The following DLC1 variants were observed in gnomAD, a reference collection of about 807,000 sequenced individuals.
The protein encoded by DLC1 is DLC1 Rho GTPase activating protein, also known as rho GTPase-activating protein 7.
A neutral mutation model predicts 140.3 loss-of-function variants in DLC1; 54 were observed. The ratio of observed to expected loss-of-function variants is 0.38; its 90% CI spans 0.31 to 0.48. The LOEUF is 0.48. Ranked by LOEUF, DLC1 falls within the 20% of genes least tolerant of loss-of-function variation. The pLI, the probability that DLC1 is intolerant of heterozygous loss-of-function variation, is 0.96. For synonymous variants in DLC1, 986 were observed against 728.1 expected, an observed-to-expected ratio of 1.35 and a Z score of -5.70; for missense variants, 2,536 against 1,907.0, an observed-to-expected ratio of 1.33 and a Z score of -6.14.
At chr8:13,219,340 AT>A (rs1275245180) in intron 5 of DLC1, among the ~76,000 whole-genome samples, 1 of 101,890 alleles carries the variant, frequency 9.8e-6, no homozygotes, top group Admixed American at 1.0e-4. Context: ...AATTATAATT[AT>A]ATAAATCATA....
At chr8:13,453,974 C>G (rs1398875251) in intron 2 of DLC1, among the ~76,000 whole-genome samples, 1 of 152,106 alleles carries the variant, frequency 6.6e-6, no homozygotes, top group Non-Finnish European at 1.5e-5. Flanking sequence ...AGAGTGTTAA[C>G]TTATCTTACT....
At chr8:13,194,727 G>C (rs912420895) in intron 5 of DLC1, among the ~76,000 whole-genome samples, 2 of 152,214 alleles carry the variant, frequency 1.3e-5, no homozygotes, top group African/African-American at 2.4e-5. Context: ...AAGAAAGCAG[G>C]CTGGGCATGG....
chr8:13,109,301 T>C (rs1819861183), intron 7 of DLC1, among the ~76,000 whole-genome samples: 1 of 152,136 alleles, frequency 6.6e-6, no homozygotes, highest in African/African-American at 2.4e-5. Flanking sequence ...CTCACTCCTG[T>C]AATCCCAGCA....
rs532159065 is a variant in DLC1, at chr8:13,174,570, G to A, written c.1349-58913C>T. ...TAATGATAGCCATTCTGACTGCTGT[G>A]AGATGGTATCTTCTTGTGGTTTTGA... On this transcript the variant is annotated intron_variant, in intron 5 of 17. Transcript: ENST00000276297. Among the ~76,000 whole-genome samples the A allele has an allele frequency of 2.0e-5, 3 of 152,290 alleles. No homozygotes were observed. In the South Asian group the frequency reaches 6.2e-4, roughly 32 times the overall value.
intron 5 of DLC1, chr8:13,214,447 A>G (rs898129618): frequency 1.7e-6 from 1 of 575,390 alleles, no homozygotes; most frequent in Admixed American, 3.2e-5. Flanking sequence ...ACTGTCAAAC[A>G]TGACCTGTGG....
At chr8:13,290,153 G>A (rs1357829823) in intron 5 of DLC1, among the ~76,000 whole-genome samples, 1 of 152,178 alleles carries the variant, frequency 6.6e-6, no homozygotes, top group Non-Finnish European at 1.5e-5. Context: ...GTCATCGAGT[G>A]CCATGATAAT....
intron 4 of DLC1, among the ~76,000 whole-genome samples, chr8:13,380,783 TAGA>T (rs1192990468): frequency 1.3e-5 from 2 of 152,186 alleles, no homozygotes; most frequent in Admixed American, 1.3e-4. Context: ...AGTAGTGAGA[TAGA>T]CCAAGCTGCA....
intron 4 of DLC1, among the ~76,000 whole-genome samples, chr8:13,363,615 C>G (rs1469647000): frequency 6.6e-6 from 1 of 151,972 alleles, no homozygotes; most frequent in African/African-American, 2.4e-5. Flanking sequence ...AACCTAAAGT[C>G]ATTGGTTAAG....
At chr8:13,387,970 A>G (rs1836596681) in intron 4 of DLC1, among the ~76,000 whole-genome samples, 1 of 152,090 alleles carries the variant, frequency 6.6e-6, no homozygotes, top group African/African-American at 2.4e-5. Context: ...AGTTCTTGAC[A>G]GTCTTCCCAG....
intron 5 of DLC1, among the ~76,000 whole-genome samples, chr8:13,118,038 C>T (rs368423157): frequency 7.9e-6 from 1 of 126,400 alleles, no homozygotes; most frequent in African/African-American, 3.4e-5. Context: ...GAGACAGAGT[C>T]TTGCTCAGTC....
chr8:13,549,114 T>C (rs932409151), intron 1 of DLC1, among the ~76,000 whole-genome samples: 6 of 152,100 alleles, frequency 3.9e-5, no homozygotes, highest in Non-Finnish European at 8.8e-5. Context: ...ATTTTCTTAC[T>C]CTGGGGCTGG....
In DLC1 at chr8:13,410,046, C is replaced by G. The variant is rs1004552107; in HGVS notation, c.1024-8427G>C. ...ATTAGAGTCTCACCTAGGGTAATTC[C>G]ACAATAAGAATGTCATTAATCTCCT... On this transcript the variant is annotated intron_variant, in intron 2 of 17. Coordinates refer to ENST00000276297, the MANE Select transcript of DLC1 (RefSeq NM_182643.3). Among the ~76,000 whole-genome samples, 3 of 151,726 alleles carry G rather than the reference C, an allele frequency of 2.0e-5. No individual in the cohort carries two copies. In the East Asian group the frequency reaches 5.8e-4, roughly 29 times the overall value.
At chr8:13,287,256 G>A (rs1831565212) in intron 5 of DLC1, among the ~76,000 whole-genome samples, 1 of 152,134 alleles carries the variant, frequency 6.6e-6, no homozygotes, top group Admixed American at 6.6e-5. Context: ...GCTCGTCAGG[G>A]TCTAGACAGA....
chr8:13,119,398 T>C (rs764602535), intron 5 of DLC1, among the ~76,000 whole-genome samples: 5 of 152,154 alleles, frequency 3.3e-5, no homozygotes, highest in Admixed American at 6.5e-5. Flanking sequence ...TGGCCTGAAA[T>C]GCTGAAGATG....
At chr8:13,219,152 AATTATATGAATATAACTATATAATT>A (rs1828402360) in intron 5 of DLC1, among the ~76,000 whole-genome samples, 1 of 57,172 alleles carries the variant, frequency 1.7e-5, no homozygotes, top group African/African-American at 6.5e-5. Flanking sequence ...ATAATTATAT[AATTATATGAATATAACTATATAATT>A]ATATGAATAT....
Position 13,162,572 on chromosome 8 carries a change from C to G in DLC1, c.1349-46915G>C, listed in dbSNP as rs530263945. ...TCCTGACCTCAGGCGATCTCCCCGCCTCAGCCTCCCAAAGTGCTAGGATTA... is the reference window on the plus strand; with the variant it reads ...TCCTGACCTCAGGCGATCTCCCCGCGTCAGCCTCCCAAAGTGCTAGGATTA... On this transcript the variant is annotated intron_variant, in intron 5 of 17. Coordinates refer to ENST00000276297, the MANE Select transcript of DLC1 (RefSeq NM_182643.3). Among the ~76,000 whole-genome samples, 9 of 152,306 alleles carry G rather than the reference C, an allele frequency of 5.9e-5. No individual in the cohort carries two copies. The South Asian group carries it at 1.9e-3, about 32-fold the overall frequency.
At chr8:13,450,632 CTT>C (rs1798995835) in intron 2 of DLC1, among the ~76,000 whole-genome samples, 1 of 151,956 alleles carries the variant, frequency 6.6e-6, no homozygotes, top group South Asian at 2.1e-4. Flanking sequence ...TAGAATATAA[CTT>C]AATGATATTT....
At chr8:13,553,220 ATATATATG>A (rs1283082240) in intron 1 of DLC1, among the ~76,000 whole-genome samples, 1,116 of 64,950 alleles carry the variant, frequency 0.017, 53 homozygotes, top group African/African-American at 0.026. Flanking sequence ...ATATATATAT[ATATATATG>A]TATATATATA....
At chr8:13,288,270 T>A (rs953990927) in intron 5 of DLC1, among the ~76,000 whole-genome samples, 17 of 152,230 alleles carry the variant, frequency 1.1e-4, no homozygotes, top group African/African-American at 4.1e-4. Context: ...AATACAGAAC[T>A]AAGAATAAGG....
Sources: allele counts gnomAD v4.1 joint callset (sites outside exome capture counted in the v4.1 genomes callset), GRCh38; gene constraint gnomAD v4.1.1; transcripts MANE v1.5; gene names NCBI Gene and HGNC (gene_info 2026-07-23, HGNC 2026-07-21).